Variants in GRIN1 observed in about 807,000 individuals in gnomAD.
GRIN1 encodes glutamate receptor ionotropic, NMDA 1.
GRIN1 carries 38 observed loss-of-function variants against 103.0 expected under a neutral mutation model. That is an observed-to-expected ratio of 0.37 (90% CI 0.28 to 0.48). The LOEUF is 0.48. Ranked by LOEUF, GRIN1 falls within the 20% of genes least tolerant of loss-of-function variation. The pLI is 0.98. For synonymous variants in GRIN1, 544 were observed against 532.7 expected (o/e 1.02, Z -0.29); for missense variants, 577 against 1,288.9 (o/e 0.45, Z 8.46).
intron 18 of GRIN1, 140 bp from the exon 19 acceptor site, chr9:137,165,046 C>T (rs1258485899): frequency 4.0e-6 from 3 of 752,938 alleles, no homozygotes; most frequent in Non-Finnish European, 2.4e-6. Flanking sequence ...GCTGTCGGCC[C>T]GTCTGTCCAG....
chr9:137,148,097 C>T (rs1832651133), intron 3 of GRIN1: 9 of 1,184,794 alleles, frequency 7.6e-6, no homozygotes, highest in South Asian at 3.9e-5. Context: ...CATTTTCAAC[C>T]GTTTATAATC....
Position 137,168,382 on chromosome 9 carries a change from T to G in GRIN1, c.*855T>G. On this transcript the variant is annotated 3_prime_UTR_variant, in exon 20 of 20. Coordinates refer to ENST00000371561, the MANE Select transcript of GRIN1 (RefSeq NM_007327.4). ...CCACGGCCGTCCCTGACTTCCCAGC[T>G]GGCAGCGCCTCCCGCCGCCTCGGGC... 5.4e-6 allele frequency: 1 copy of G among 184,216 alleles called. No individual in the cohort carries two copies. Among genetic ancestry groups the G allele is most frequent in the Non-Finnish European group, 1.1e-5 (1 of 90,354 alleles). 11.4% of individuals were successfully genotyped at this position (184,216 alleles called of 1,614,324 possible). A position where few individuals can be genotyped will look rare whatever the true frequency, so the allele number is the denominator to read the frequency against.
At chr9:137,144,417 G>A (rs1005719658) in intron 2 of GRIN1, among the ~76,000 whole-genome samples, 3 of 151,818 alleles carry the variant, frequency 2.0e-5, no homozygotes, top group Admixed American at 2.0e-4. Flanking sequence ...CACTTTGGGA[G>A]GCCGAGGCGG....
At chr9:137,148,936 G>A (rs1280373714) in intron 3 of GRIN1, 73 bp from the exon 4 acceptor site, 18 of 1,128,174 alleles carry the variant, frequency 1.6e-5, no homozygotes, top group African/African-American at 1.1e-4. Flanking sequence ...CAGCGGCTCC[G>A]GCCCAACTCT....
intron 19 of GRIN1, among the ~76,000 whole-genome samples, chr9:137,165,576 C>T (rs1273760304): frequency 6.6e-6 from 1 of 152,212 alleles, no homozygotes; most frequent in East Asian, 1.9e-4. Context: ...TGAAGCCTGT[C>T]ATCTCGTTGG....
chr9:137,154,258 G>A (rs2131261835), intron 4 of GRIN1, among the ~76,000 whole-genome samples: 1 of 149,948 alleles, frequency 6.7e-6, no homozygotes, highest in South Asian at 2.1e-4. Flanking sequence ...CCGAGTAGCT[G>A]GAATTACAGG....
chr9:137,153,566 C>T (rs540334711), intron 4 of GRIN1, among the ~76,000 whole-genome samples: 253 of 152,194 alleles, frequency 1.7e-3, no homozygotes, highest in African/African-American at 5.9e-3. Flanking sequence ...ATACACCATA[C>T]ACACGTGCAT....
intron 19 of GRIN1, among the ~76,000 whole-genome samples, chr9:137,166,551 G>A (rs1473390347): frequency 1.3e-5 from 2 of 152,264 alleles, no homozygotes; most frequent in Non-Finnish European, 1.5e-5. Context: ...GACCTCCAGG[G>A]CACAGACAGG....
At chr9:137,144,490 T>G (rs1303826535) in intron 2 of GRIN1, among the ~76,000 whole-genome samples, 4 of 151,688 alleles carry the variant, frequency 2.6e-5, no homozygotes, top group African/African-American at 9.7e-5. Context: ...CCATCTCCAC[T>G]AAAAATACAA....
At chr9:137,143,836 A>G (rs1832308543) in intron 2 of GRIN1, among the ~76,000 whole-genome samples, 1 of 152,254 alleles carries the variant, frequency 6.6e-6, no homozygotes, top group African/African-American at 2.4e-5. Context: ...AAGAGTCCAC[A>G]GGGACACTGA....
At chr9:137,145,654 G>T (rs1361992380) in intron 2 of GRIN1, 72 bp from the exon 3 acceptor site, 5 of 1,312,730 alleles carry the variant, frequency 3.8e-6, no homozygotes, top group Non-Finnish European at 3.2e-6. Context: ...GGGTGTTCCG[G>T]CAGTGGGAGG....
intron 19 of GRIN1, 41 bp from the exon 20 acceptor site, chr9:137,167,370 G>A (rs769863409): frequency 9.4e-6 from 14 of 1,489,134 alleles, no homozygotes; most frequent in East Asian, 2.4e-5. Flanking sequence ...CCTGGCGGCC[G>A]GCGGGGCCAG....
intron 18 of GRIN1, 146 bp from the exon 19 acceptor site, chr9:137,165,040 T>G: frequency 1.4e-6 from 1 of 731,564 alleles, no homozygotes; most frequent in Admixed American, 1.9e-5. Flanking sequence ...ACGTCCGCTG[T>G]CGGCCCGTCT....
rs1258711073 is a variant in GRIN1 at position 137,158,114 on chromosome 9, T to C, written c.969-265T>C. On this transcript the variant is annotated intron_variant, in intron 6 of 19. Transcript: ENST00000371561. ...GTCCTAACCCACAGAAAGCCGGGTC[T>C]GGCACCCATAAACCACTCAGCTGTC... is the stretch of plus-strand genomic sequence containing the variant. Among the ~76,000 whole-genome samples, 3 of 152,372 alleles carry C rather than the reference T, an allele frequency of 2.0e-5. No individual in the cohort carries two copies. In the East Asian group the frequency reaches 5.8e-4, roughly 29 times the overall value.
intron 19 of GRIN1, among the ~76,000 whole-genome samples, chr9:137,166,119 C>T (rs1361628088): frequency 2.0e-5 from 3 of 152,148 alleles, no homozygotes; most frequent in Admixed American, 6.5e-5. Context: ...GAGCCCAGGA[C>T]GACACTGAGG....
chr9:137,150,604 C>T (rs1832797183), intron 4 of GRIN1, among the ~76,000 whole-genome samples: 1 of 145,386 alleles, frequency 6.9e-6, no homozygotes, highest in African/African-American at 2.6e-5. Flanking sequence ...AAGCTCCGCC[C>T]AGATAAAAGC....
intron 4 of GRIN1, among the ~76,000 whole-genome samples, chr9:137,156,035 G>T (rs1033304943): frequency 3.3e-5 from 5 of 152,218 alleles, no homozygotes; most frequent in East Asian, 1.9e-4. Flanking sequence ...AGGACCAGAG[G>T]GGTGTGGCCT....
At chr9:137,164,380 C>T (rs1833746546) in intron 18 of GRIN1, 1 of 244,700 alleles carries the variant, frequency 4.1e-6, no homozygotes, top group African/African-American at 2.3e-5. Context: ...CTGCCTGGTG[C>T]CCAGGTTGTA....
chr9:137,145,624 G>T (rs1349230628), intron 2 of GRIN1, 102 bp from the exon 3 acceptor site: 1 of 930,530 alleles, frequency 1.1e-6, no homozygotes, highest in Non-Finnish European at 1.7e-6. Context: ...GTGGGAGGAG[G>T]GGGGTTCCCA....
Sources: allele counts gnomAD v4.1 joint callset (sites outside exome capture counted in the v4.1 genomes callset), GRCh38; gene constraint gnomAD v4.1.1; transcripts MANE v1.5; gene names NCBI Gene and HGNC (gene_info 2026-07-23, HGNC 2026-07-21).